PCMTD1: variants seen among roughly 807,000 people sequenced by gnomAD.
PCMTD1 encodes protein-L-isoaspartate (D-aspartate) O-methyltransferase domain containing 1.
In PCMTD1, 12 loss-of-function variants were observed where a neutral mutation model predicts 37.6. That is an observed-to-expected ratio of 0.32 (90% CI 0.20 to 0.52). The LOEUF (loss-of-function observed/expected upper bound fraction) is 0.52, where lower values mean the gene tolerates loss of function less well. Among genes scored for constraint, PCMTD1 ranks in the 20% least tolerant of loss-of-function variants. The probability of loss-of-function intolerance (pLI) is 0.97; values close to 1 mark genes in which losing one functional copy is unlikely to be tolerated. For missense variants in PCMTD1, 235 were observed against 421.3 expected, an observed-to-expected ratio of 0.56 and a Z score of 3.87; for synonymous variants, 117 against 135.8, an observed-to-expected ratio of 0.86 and a Z score of 0.96.
chr8:51,829,952 GGTAAA>G (rs1415531083), intron 5 of PCMTD1, among the ~76,000 whole-genome samples: 1 of 151,974 alleles, frequency 6.6e-6, no homozygotes, highest in African/African-American at 2.4e-5. Flanking sequence ...GTTCCTTTTT[GGTAAA>G]GAATTTTACC....
chr8:51,889,153 G>T (rs2038903793), intron 1 of PCMTD1, among the ~76,000 whole-genome samples: 1 of 152,152 alleles, frequency 6.6e-6, no homozygotes. Context: ...GAGAGCATGA[G>T]GTTATCAGTC....
chr8:51,857,123 T>C (rs767534460), intron 2 of PCMTD1, among the ~76,000 whole-genome samples: 1 of 152,206 alleles, frequency 6.6e-6, no homozygotes, highest in Non-Finnish European at 1.5e-5. Flanking sequence ...AGAGAGAGTG[T>C]AGAGGTCAAA....
intron 1 of PCMTD1, among the ~76,000 whole-genome samples, chr8:51,867,063 C>CA (rs1478831390): frequency 2.0e-5 from 3 of 151,832 alleles, no homozygotes; most frequent in African/African-American, 7.3e-5. Flanking sequence ...TAATAATTAT[C>CA]AAAAGAAGAC....
At chr8:51,839,486 C>G (rs1044635791) in intron 3 of PCMTD1, 2 of 985,278 alleles carry the variant, frequency 2.0e-6, no homozygotes, top group African/African-American at 3.5e-5. Flanking sequence ...GTTGGAATAT[C>G]TTCATCTTGA....
intron 1 of PCMTD1, among the ~76,000 whole-genome samples, chr8:51,882,818 T>TAAAAAAAAAAAAAAA (rs34942203): frequency 7.3e-6 from 1 of 137,568 alleles, no homozygotes; most frequent in Admixed American, 7.3e-5. Flanking sequence ...ATAGCATACT[T>TAAAAAAAAAAAAAAA]AAAAAAAAAA....
intron 5 of PCMTD1, 35 bp downstream of exon 5, chr8:51,831,409 C>A: frequency 1.2e-6 from 2 of 1,602,766 alleles, no homozygotes; most frequent in South Asian, 2.2e-5. Context: ...CACCATAAGT[C>A]ATAATTCAAT....
At position 51,851,780 on chromosome 8, in the gene PCMTD1, C is replaced by G. The variant is rs1029389174; in HGVS notation, c.308-6017G>C. On this transcript the variant is annotated intron_variant, in intron 2 of 5. Transcript: ENST00000522514. The stretch of plus-strand genomic sequence containing the variant: ...AAGTGATTCTCCTGCCTCAGCCTCC[C>G]AAGTAGCTTACAGGCATGAGCCACC... Among the ~76,000 whole-genome samples, 2 of 151,950 alleles carry G rather than the reference C, an allele frequency of 1.3e-5. 1 individual carries two copies. Among genetic ancestry groups the G allele is most frequent in the African/African-American group, 4.8e-5 (2 of 41,378 alleles).
chr8:51,834,873 G>T (rs1400305091), intron 3 of PCMTD1, among the ~76,000 whole-genome samples: 1 of 152,132 alleles, frequency 6.6e-6, no homozygotes, highest in Non-Finnish European at 1.5e-5. Context: ...GGTGGGGTGG[G>T]AAGGGTCAAG....
At chr8:51,891,162 T>A (rs969504534) in intron 1 of PCMTD1, among the ~76,000 whole-genome samples, 2 of 152,176 alleles carry the variant, frequency 1.3e-5, no homozygotes, top group Non-Finnish European at 2.9e-5. Context: ...CCAAAGAGAA[T>A]CGCAGGAGCT....
chr8:51,834,714 G>A (rs1182107474), intron 3 of PCMTD1, among the ~76,000 whole-genome samples: 3 of 152,116 alleles, frequency 2.0e-5, no homozygotes, highest in Non-Finnish European at 2.9e-5. Flanking sequence ...CTGTCCTTTA[G>A]TAATTAATAG....
At chr8:51,893,783 A>T (rs1472198791) in intron 1 of PCMTD1, among the ~76,000 whole-genome samples, 1 of 152,228 alleles carries the variant, frequency 6.6e-6, no homozygotes, top group Non-Finnish European at 1.5e-5. Flanking sequence ...GTGGACACAC[A>T]CAATTAAAAA....
chr8:51,864,794 A>AG (rs1245911773), intron 1 of PCMTD1, among the ~76,000 whole-genome samples: 1 of 152,112 alleles, frequency 6.6e-6, no homozygotes, highest in African/African-American at 2.4e-5. Context: ...AAGAAACTAG[A>AG]GAAAAAAGAA....
chr8:51,866,220 G>A (rs1356674637), intron 1 of PCMTD1, among the ~76,000 whole-genome samples: 1 of 151,904 alleles, frequency 6.6e-6, no homozygotes, highest in Non-Finnish European at 1.5e-5. Context: ...TAGTTAAAAT[G>A]TCTGTACTAC....
chr8:51,887,986 G>A (rs1394014785), intron 1 of PCMTD1, among the ~76,000 whole-genome samples: 1 of 151,902 alleles, frequency 6.6e-6, no homozygotes, highest in African/African-American at 2.4e-5. Context: ...CTCGTGATCC[G>A]CCCACCTCGG....
intron 1 of PCMTD1, among the ~76,000 whole-genome samples, chr8:51,880,692 TTTGC>T (rs2038778811): frequency 6.6e-6 from 1 of 152,212 alleles, no homozygotes; most frequent in Non-Finnish European, 1.5e-5. Context: ...TTATGTCTAC[TTTGC>T]TTGTTGTCTG....
At chr8:51,857,071 T>C (rs934597954) in intron 2 of PCMTD1, among the ~76,000 whole-genome samples, 2 of 152,164 alleles carry the variant, frequency 1.3e-5, no homozygotes, top group Non-Finnish European at 2.9e-5. Context: ...AAAGGCAATA[T>C]AGGTTAGCTG....
chr8:51,893,524 C>T (rs1329721593), intron 1 of PCMTD1, among the ~76,000 whole-genome samples: 6 of 152,112 alleles, frequency 3.9e-5, no homozygotes, highest in Admixed American at 3.9e-4. Context: ...TCTATGCAAG[C>T]TTAAAGAAAC....
intron 1 of PCMTD1, among the ~76,000 whole-genome samples, chr8:51,897,533 C>T (rs2039022666): frequency 6.6e-6 from 1 of 151,732 alleles, no homozygotes; most frequent in Non-Finnish European, 1.5e-5. Context: ...TAAAAAAAAC[C>T]AAAAAGTAAA....
intron 1 of PCMTD1, among the ~76,000 whole-genome samples, chr8:51,895,777 C>G (rs1045270433): frequency 6.6e-6 from 1 of 152,024 alleles, no homozygotes; most frequent in Non-Finnish European, 1.5e-5. Context: ...TTACGTTGAC[C>G]GAGAGATAAT....
Sources: gnomAD v4.1 joint callset for allele counts (sites outside exome capture counted in the v4.1 genomes callset) on GRCh38, gnomAD v4.1.1 for gene constraint, MANE v1.5 for transcripts, NCBI Gene and HGNC (gene_info 2026-07-23, HGNC 2026-07-21) for gene names.